TNFRSF8: variants seen among roughly 807,000 people sequenced by gnomAD.
TNFRSF8 encodes tumor necrosis factor receptor superfamily member 8.
A neutral mutation model predicts 70.8 loss-of-function variants in TNFRSF8; 26 were observed. The observed-to-expected ratio is 0.37, with a 90% CI of 0.27 to 0.51. The LOEUF is 0.51. Among genes scored for constraint, TNFRSF8 ranks in the 20% least tolerant of loss-of-function variants. TNFRSF8 has a pLI of 0.94. For synonymous variants in TNFRSF8, 356 were observed against 339.2 expected (o/e 1.05, Z -0.54); for missense variants, 720 against 807.9 (o/e 0.89, Z 1.32).
chr1:12,066,073 A>G (rs1025610561), intron 1 of TNFRSF8, among the ~76,000 whole-genome samples: 1 of 152,194 alleles, frequency 6.6e-6, no homozygotes, highest in Non-Finnish European at 1.5e-5. Context: ...TCAGCATTTT[A>G]ATTTTTCTCA....
chr1:12,065,538 G>C (rs1450058638), intron 1 of TNFRSF8, among the ~76,000 whole-genome samples: 1 of 152,120 alleles, frequency 6.6e-6, no homozygotes, highest in South Asian at 2.1e-4. Context: ...CACCATAATT[G>C]ATTTGGTGTG....
Position 12,123,818 on chromosome 1 carries a change from C to T in TNFRSF8, c.1144C>T (p.Leu382=). 6.4e-7 allele frequency: 1 copy of T among 1,565,946 alleles called. No individual in the cohort carries two copies. The highest frequency in any genetic ancestry group is 8.7e-7 in the Non-Finnish European group (1 of 1,154,634). The change falls in exon 10 of 15, where the codon CTG becomes TTG. Residue 382 remains leucine, a synonymous_variant. Coordinates refer to ENST00000263932, the MANE Select transcript of TNFRSF8 (RefSeq NM_001243.5). ...VALSSTGKPV[L]DAGPVLFWVI... ...TCTCTCCTCCACGGGGAAGCCCGTT[C>T]TGGATGCAGGTAATGGTCCCAGCCC...
rs530111216 is a variant in TNFRSF8, at chr1:12,109,557, C to A, written c.422-9C>A. 1 of 1,612,616 alleles carries A rather than the reference C, an allele frequency of 6.2e-7. No homozygotes were observed. Among genetic ancestry groups the A allele is most frequent in the African/African-American group, 1.3e-5 (1 of 74,884 alleles). On this transcript the variant is annotated splice_polypyrimidine_tract_variant and intron_variant, in intron 4 of 14. Coordinates refer to ENST00000263932, the MANE Select transcript of TNFRSF8 (RefSeq NM_001243.5). The surrounding 1 kb of genome is among the most constrained non-coding windows in gnomAD (Gnocchi z 4.4). The stretch of plus-strand genomic sequence containing the variant: ...ACTGATTCTGAAGGCACTGCTGTCC[C>A]CCCTGCAGGCACGGCGCAGAAGAAC...
In TNFRSF8 at chr1:12,109,436, C is replaced by T. The variant is rs189103413; in HGVS notation, c.422-130C>T. ...AGGGGAACGGGTGCCAGGCGGGTGCCACCTCCAGATGACTGCTGTGTTTTC... is the reference window on the plus strand; with the variant it reads ...AGGGGAACGGGTGCCAGGCGGGTGCTACCTCCAGATGACTGCTGTGTTTTC... On this transcript the variant is annotated intron_variant, in intron 4 of 14. Coordinates refer to ENST00000263932, the MANE Select transcript of TNFRSF8 (RefSeq NM_001243.5). The surrounding 1 kb of genome is among the most constrained non-coding windows in gnomAD (Gnocchi z 4.4). 21 of 675,474 alleles carry T rather than the reference C, an allele frequency of 3.1e-5. No homozygotes were observed. In the East Asian group the frequency reaches 5.9e-4, roughly 19 times the overall value. 41.8% of individuals were successfully genotyped at this position (675,474 alleles called of 1,614,324 possible).
At chr1:12,094,884 C>T (rs535624561) in intron 2 of TNFRSF8, among the ~76,000 whole-genome samples, 14 of 152,086 alleles carry the variant, frequency 9.2e-5, no homozygotes, top group Non-Finnish European at 1.5e-4. Context: ...CCTCGGCCTC[C>T]GAAAGTGCTG....
intron 13 of TNFRSF8, among the ~76,000 whole-genome samples, chr1:12,136,035 G>A (rs1482178947): frequency 6.6e-6 from 1 of 151,816 alleles, no homozygotes; most frequent in East Asian, 1.9e-4. Context: ...CATCCTCCAA[G>A]CTGGATGACA....
chr1:12,067,672 TA>T (rs879585197), intron 1 of TNFRSF8, among the ~76,000 whole-genome samples: 50 of 145,284 alleles, frequency 3.4e-4, no homozygotes, highest in African/African-American at 5.5e-4. Flanking sequence ...AGACTGTATT[TA>T]AAAAAAAAAA....
At chr1:12,090,542 G>A (rs550935613) in intron 2 of TNFRSF8, among the ~76,000 whole-genome samples, 9 of 128,006 alleles carry the variant, frequency 7.0e-5, no homozygotes, top group Non-Finnish European at 1.3e-4. Context: ...CCACCTACTC[G>A]TTTATCCATT....
In TNFRSF8 at chr1:12,110,218, G is replaced by T. The variant is rs1298310316; in HGVS notation, c.676+14G>T. The T allele has an allele frequency of 1.9e-6, 3 of 1,567,972 alleles. No homozygotes were observed. In the African/African-American group the frequency reaches 4.1e-5, roughly 21 times the overall value. On this transcript the variant is annotated intron_variant, in intron 6 of 14. Coordinates refer to ENST00000263932, the MANE Select transcript of TNFRSF8 (RefSeq NM_001243.5). The surrounding 1 kb of genome is among the most constrained non-coding windows in gnomAD (Gnocchi z 4.0). ...GTTCAGATCCAGGTAATTTCCCCAT[G>T]AAGCTGTGGGTCGTCTCCCTGGGGT...
chr1:12,100,029 C>T (rs1641393344), intron 3 of TNFRSF8, among the ~76,000 whole-genome samples: 1 of 151,964 alleles, frequency 6.6e-6, no homozygotes, highest in African/African-American at 2.4e-5. Flanking sequence ...ATTAGCTGGG[C>T]GTGGTGGCAC....
At chr1:12,081,352 G>T (rs1253479234) in intron 1 of TNFRSF8, among the ~76,000 whole-genome samples, 1 of 152,074 alleles carries the variant, frequency 6.6e-6, no homozygotes, top group Non-Finnish European at 1.5e-5. Context: ...GGCCTTGCCA[G>T]TGAGCCCTCA....
At chr1:12,076,002 C>T (rs892403332) in intron 1 of TNFRSF8, among the ~76,000 whole-genome samples, 1 of 152,164 alleles carries the variant, frequency 6.6e-6, no homozygotes, top group South Asian at 2.1e-4. Context: ...CGAAAAGCTC[C>T]CATCCCAGAA....
intron 2 of TNFRSF8, among the ~76,000 whole-genome samples, chr1:12,094,774 T>C (rs1016428339): frequency 6.6e-6 from 1 of 151,908 alleles, no homozygotes; most frequent in Admixed American, 6.6e-5. Context: ...TACAGGAGTG[T>C]ACCACCATGC....
At chr1:12,091,991 G>T (rs563990763) in intron 2 of TNFRSF8, among the ~76,000 whole-genome samples, 1 of 152,044 alleles carries the variant, frequency 6.6e-6, no homozygotes, top group African/African-American at 2.4e-5. Flanking sequence ...CTCGCTCACC[G>T]TCACTCACCT....
At chr1:12,104,316 A>G (rs1557589346) in intron 3 of TNFRSF8, 63 bp from the exon 4 acceptor site, 2 of 1,589,388 alleles carry the variant, frequency 1.3e-6, no homozygotes, top group Non-Finnish European at 1.7e-6. Flanking sequence ...CCTCATCTCA[A>G]GAGCTATCTG....
intron 2 of TNFRSF8, among the ~76,000 whole-genome samples, chr1:12,093,784 G>A (rs551025445): frequency 1.5e-4 from 23 of 152,186 alleles, no homozygotes; most frequent in African/African-American, 3.4e-4. Context: ...CAAATGATCC[G>A]CCTGGGCTGG....
At chr1:12,069,388 G>A (rs532411297) in intron 1 of TNFRSF8, among the ~76,000 whole-genome samples, 7 of 151,170 alleles carry the variant, frequency 4.6e-5, no homozygotes, top group South Asian at 2.1e-4. Flanking sequence ...CATGTTAGCC[G>A]GGCTGGTCTC....
At chr1:12,089,406 C>T (rs1051624988) in intron 2 of TNFRSF8, among the ~76,000 whole-genome samples, 1 of 152,204 alleles carries the variant, frequency 6.6e-6, no homozygotes, top group Admixed American at 6.5e-5. Context: ...TTCCATTGTC[C>T]CCCTGGCACC....
intron 13 of TNFRSF8, 37 bp downstream of exon 13, chr1:12,135,650 G>A (rs1231706527): frequency 1.9e-6 from 3 of 1,612,502 alleles, no homozygotes; most frequent in Non-Finnish European, 2.5e-6. Context: ...TCAGCTTCGT[G>A]CCCCTAAATC....
Sources: allele counts gnomAD v4.1 joint callset (sites outside exome capture counted in the v4.1 genomes callset), GRCh38; gene constraint gnomAD v4.1.1; non-coding constraint Gnocchi (gnomAD v3.1); transcripts MANE v1.5; gene names NCBI Gene and HGNC (gene_info 2026-07-23, HGNC 2026-07-21).